TBC1D9: variants seen among roughly 807,000 people sequenced by gnomAD.
TBC1D9 encodes TBC1 domain family member 9A.
A neutral mutation model predicts 132.0 loss-of-function variants in TBC1D9; 63 were observed. The observed-to-expected ratio is 0.48, with a 90% confidence interval of 0.39 to 0.59. The LOEUF is 0.59. TBC1D9 is among the 20% of genes least tolerant of loss of function. TBC1D9 has a pLI of 0.00. For missense variants in TBC1D9, 1,261 were observed against 1,592.7 expected, an observed-to-expected ratio of 0.79 and a Z score of 3.54; for synonymous variants, 610 against 609.9, an observed-to-expected ratio of 1.00 and a Z score of 0.00.
chr4:140,721,945 C>A (rs1738431045), intron 1 of TBC1D9, among the ~76,000 whole-genome samples: 1 of 152,142 alleles, frequency 6.6e-6, no homozygotes, highest in Non-Finnish European at 1.5e-5. Flanking sequence ...CTGCTGAGCC[C>A]TTACCAGACT....
intron 6 of TBC1D9, among the ~76,000 whole-genome samples, chr4:140,675,197 G>A (rs533357639): frequency 6.6e-6 from 1 of 151,328 alleles, no homozygotes; most frequent in South Asian, 2.1e-4. Flanking sequence ...TCTCTGAACA[G>A]TGGAACTAGG....
intron 1 of TBC1D9, among the ~76,000 whole-genome samples, chr4:140,709,504 A>G (rs946106344): frequency 1.3e-4 from 8 of 63,664 alleles, no homozygotes; most frequent in Non-Finnish European, 3.8e-4. Flanking sequence ...TGGAATACTA[A>G]AAAAAAAAAA....
At chr4:140,751,715 T>C (rs1314447853) in intron 1 of TBC1D9, among the ~76,000 whole-genome samples, 2 of 152,194 alleles carry the variant, frequency 1.3e-5, no homozygotes, top group African/African-American at 2.4e-5. Context: ...ACCCAGAACA[T>C]ATTTTTTAAA....
intron 3 of TBC1D9, among the ~76,000 whole-genome samples, chr4:140,685,927 G>C (rs1737772191): frequency 6.9e-6 from 1 of 145,476 alleles, no homozygotes; most frequent in Admixed American, 6.7e-5. Context: ...TAGTGACTAG[G>C]TGACTATAGT....
intron 13 of TBC1D9, chr4:140,642,076 G>C (rs546407109): frequency 3.3e-5 from 23 of 701,798 alleles, no homozygotes; most frequent in Middle Eastern, 4.8e-4. Flanking sequence ...AGTCCGGGAG[G>C]GGGCGGAGGA....
chr4:140,686,264 T>C, intron 3 of TBC1D9, 80 bp downstream of exon 3: 1 of 929,576 alleles, frequency 1.1e-6, no homozygotes, highest in Non-Finnish European at 1.7e-6. Flanking sequence ...CAGGTATGTT[T>C]TACTCAATTC....
intron 3 of TBC1D9, among the ~76,000 whole-genome samples, 163 bp from the exon 4 acceptor site, chr4:140,680,006 G>C (rs1737680722): frequency 6.6e-6 from 1 of 151,814 alleles, no homozygotes; most frequent in South Asian, 2.1e-4. Context: ...AGTAGTATTT[G>C]TGTACTAAAA....
chr4:140,733,956 T>C (rs1352034538), intron 1 of TBC1D9, among the ~76,000 whole-genome samples: 1 of 152,028 alleles, frequency 6.6e-6, no homozygotes, highest in Non-Finnish European at 1.5e-5. Flanking sequence ...CCTCTTCCTT[T>C]CTTCCTTCCT....
intron 1 of TBC1D9, among the ~76,000 whole-genome samples, chr4:140,743,521 C>T: frequency 6.6e-6 from 1 of 152,156 alleles, no homozygotes; most frequent in Non-Finnish European, 1.5e-5. Context: ...AAGTGAAGGA[C>T]TAAAGAGTAG....
At chr4:140,704,879 C>T (rs1297662229) in intron 1 of TBC1D9, among the ~76,000 whole-genome samples, 5 of 152,216 alleles carry the variant, frequency 3.3e-5, no homozygotes, top group African/African-American at 9.7e-5. Flanking sequence ...ACCAACCCTA[C>T]CTCTGCATTC....
intron 1 of TBC1D9, among the ~76,000 whole-genome samples, chr4:140,746,750 GA>G (rs1413484914): frequency 1.3e-5 from 2 of 152,162 alleles, no homozygotes; most frequent in African/African-American, 2.4e-5. Flanking sequence ...CGGTATGGGG[GA>G]AACCGCCCCC....
intron 13 of TBC1D9, chr4:140,644,266 C>T (rs1391076623): frequency 6.6e-6 from 2 of 302,742 alleles, no homozygotes; most frequent in Non-Finnish European, 6.5e-6. Flanking sequence ...TTCTCGACCA[C>T]GTTGTCGGGG....
Position 140,639,342 on chromosome 4 carries a change from C to T in TBC1D9, c.2424G>A (p.Thr808=), listed in dbSNP as rs61730050. The T allele has an allele frequency of 6.7e-4, 1,081 of 1,611,464 alleles. 11 individuals are homozygous for T. The African/African-American group carries it at 0.012, about 18-fold the overall frequency. ...LKVIQTLEDT[T]KRNVVRTIVT... ...TTAAAGGACTTACCACGTTGCGTTTCGTAGTATCCTCCAGCGTCTGGATCA... is the reference window on the plus strand; with the variant it reads ...TTAAAGGACTTACCACGTTGCGTTTTGTAGTATCCTCCAGCGTCTGGATCA... Residue 808 remains threonine (T), a synonymous_variant, in exon 14 of 21, where the codon ACG becomes ACA. Transcript: ENST00000442267.
intron 3 of TBC1D9, among the ~76,000 whole-genome samples, chr4:140,680,166 G>A (rs1413413749): frequency 6.6e-6 from 1 of 152,094 alleles, no homozygotes; most frequent in Non-Finnish European, 1.5e-5. Context: ...AGCTTATTAT[G>A]GTAGAATTGT....
intron 8 of TBC1D9, 78 bp from the exon 9 acceptor site, chr4:140,669,145 A>G (rs751429664): frequency 6.3e-5 from 90 of 1,424,578 alleles, no homozygotes; most frequent in Non-Finnish European, 8.4e-5. Context: ...AGGTCAGAAC[A>G]TGTTCCCTGC....
chr4:140,720,536 T>C (rs1738407800), intron 1 of TBC1D9, among the ~76,000 whole-genome samples: 1 of 152,230 alleles, frequency 6.6e-6, no homozygotes, highest in Non-Finnish European at 1.5e-5. Context: ...GGCTGAGACA[T>C]TAAGTGAGCA....
At chr4:140,751,610 G>A (rs1299072348) in intron 1 of TBC1D9, among the ~76,000 whole-genome samples, 1 of 152,102 alleles carries the variant, frequency 6.6e-6, no homozygotes, top group Non-Finnish European at 1.5e-5. Flanking sequence ...AGGACTTAAG[G>A]AATTTTAAAA....
In TBC1D9 at chr4:140,739,284, C is replaced by T. The variant is rs550408538; in HGVS notation, c.130+16632G>A. Among the ~76,000 whole-genome samples the T allele has an allele frequency of 4.6e-5, 7 of 152,274 alleles. No individual in the cohort carries two copies. The East Asian group carries it at 1.4e-3, about 29-fold the overall frequency. On this transcript the variant is annotated intron_variant, in intron 1 of 20. Coordinates refer to ENST00000442267, the MANE Select transcript of TBC1D9 (RefSeq NM_015130.3). ...ACAGGCTGAGCCACCGCACCTGGCTCAAAACTGAATTTTTAAGACTGGAAC... is the reference window on the plus strand; with the variant it reads ...ACAGGCTGAGCCACCGCACCTGGCTTAAAACTGAATTTTTAAGACTGGAAC...
chr4:140,637,355 A>AG (rs1736897189), intron 15 of TBC1D9, among the ~76,000 whole-genome samples: 1 of 142,130 alleles, frequency 7.0e-6, no homozygotes, highest in African/African-American at 2.8e-5. Flanking sequence ...GTCTCAAAGA[A>AG]GGAAAAAAAA....
Sources: allele counts gnomAD v4.1 joint callset (sites outside exome capture counted in the v4.1 genomes callset), GRCh38; gene constraint gnomAD v4.1.1; transcripts MANE v1.5; gene names NCBI Gene and HGNC (gene_info 2026-07-23, HGNC 2026-07-21).